Variants in HMGCLL1 observed in about 807,000 individuals in gnomAD.
HMGCLL1 encodes the protein 3-hydroxymethyl-3-methylglutaryl-CoA lyase, cytoplasmic.
Under a neutral mutation model 39.1 loss-of-function variants are expected in HMGCLL1, and 36 were observed. The observed-to-expected ratio is 0.92, with a 90% confidence interval of 0.71 to 1.22. The LOEUF is 1.22. Among genes scored for constraint, HMGCLL1 ranks in the 50% most tolerant of loss-of-function variants. The pLI is 0.00. For synonymous variants in HMGCLL1, 149 were observed against 144.0 expected, an observed-to-expected ratio of 1.03 and a Z score of -0.25; for missense variants, 451 against 416.5, an observed-to-expected ratio of 1.08 and a Z score of -0.72.
intron 2 of HMGCLL1, 91 bp from the exon 3 acceptor site, chr6:55,541,927 A>T: frequency 1.1e-6 from 1 of 937,278 alleles, no homozygotes; most frequent in African/African-American, 1.7e-5. Flanking sequence ...AGTGAGTATT[A>T]TTTGTAATTT....
At chr6:55,595,649 A>C in the HMGCLL1 span, among the ~76,000 whole-genome samples, 2 of 152,230 alleles carry the variant, frequency 1.3e-5, no homozygotes, top group Middle Eastern at 3.2e-3. Context: ...TTTTTGATGG[A>C]GCACAGCAGT....
chr6:55,469,467 A>ATG (rs145549028), intron 7 of HMGCLL1, among the ~76,000 whole-genome samples: 147 of 146,486 alleles, frequency 1.0e-3, no homozygotes, highest in South Asian at 6.4e-3. Flanking sequence ...ATGTGTATAT[A>ATG]TGTGTGTGTG....
At chr6:55,571,758 G>A (rs979401783) in intron 1 of HMGCLL1, among the ~76,000 whole-genome samples, 13 of 152,138 alleles carry the variant, frequency 8.5e-5, no homozygotes, top group East Asian at 5.8e-4. Context: ...GCAGTAAGTC[G>A]AGATCGCGCC....
chr6:55,470,908 A>G (rs990524236), intron 7 of HMGCLL1, among the ~76,000 whole-genome samples: 1 of 151,746 alleles, frequency 6.6e-6, no homozygotes, highest in Non-Finnish European at 1.5e-5. Context: ...TGAGAACTGT[A>G]TCAGGACAAT....
At chr6:55,605,583 C>T in the HMGCLL1 span, among the ~76,000 whole-genome samples, 326 of 152,192 alleles carry the variant, frequency 2.1e-3, 1 homozygote, top group African/African-American at 7.4e-3. Flanking sequence ...TTTGCTTGAG[C>T]TTAGGATTAT....
chr6:55,455,910 T>C (rs1764302624), intron 7 of HMGCLL1, among the ~76,000 whole-genome samples: 1 of 152,186 alleles, frequency 6.6e-6, no homozygotes, highest in Admixed American at 6.5e-5. Flanking sequence ...TTTGCTCAAT[T>C]TTATCTAATT....
intron 1 of HMGCLL1, among the ~76,000 whole-genome samples, chr6:55,545,762 A>G (rs967432613): frequency 6.6e-6 from 1 of 152,138 alleles, no homozygotes; most frequent in Admixed American, 6.6e-5. Context: ...GGATTTGCCT[A>G]CTAGGCATTG....
At chr6:55,463,040 T>G (rs1764646776) in intron 7 of HMGCLL1, among the ~76,000 whole-genome samples, 1 of 150,622 alleles carries the variant, frequency 6.6e-6, no homozygotes, top group Non-Finnish European at 1.5e-5. Flanking sequence ...TTTTTTTTTT[T>G]TTTTTTCTGA....
chr6:55,599,210 T>G, the HMGCLL1 span, among the ~76,000 whole-genome samples: 2 of 152,058 alleles, frequency 1.3e-5, no homozygotes, highest in East Asian at 3.9e-4. Flanking sequence ...TGTGTATACC[T>G]ATGTAACAAA....
the HMGCLL1 span, among the ~76,000 whole-genome samples, chr6:55,648,278 T>C: frequency 6.6e-6 from 1 of 151,420 alleles, no homozygotes; most frequent in South Asian, 2.1e-4. Context: ...CATTTGGGTA[T>C]ATACCCAGTA....
intron 7 of HMGCLL1, among the ~76,000 whole-genome samples, chr6:55,478,086 T>TG (rs1371832358): frequency 5.1e-5 from 5 of 98,292 alleles, no homozygotes; most frequent in Middle Eastern, 4.8e-3. Context: ...AGTGAGGTTC[T>TG]GTTTTTTTTT....
At chr6:55,666,441 A>G in the HMGCLL1 span, among the ~76,000 whole-genome samples, 1 of 151,686 alleles carries the variant, frequency 6.6e-6, no homozygotes, top group African/African-American at 2.4e-5. Flanking sequence ...CCTTAAGCAA[A>G]AGCAGTTATA....
chr6:55,594,259 G>A, the HMGCLL1 span, among the ~76,000 whole-genome samples: 1 of 152,172 alleles, frequency 6.6e-6, no homozygotes. Context: ...TAGTTCAAAT[G>A]TCTGGGTTTC....
At position 55,515,649 on chromosome 6, in the gene HMGCLL1, T is replaced by C. The variant is rs75160402; in HGVS notation, c.393+859A>G. ...CTCTGAGTTAACATGAGAGTGTCCTTTCAGTATCTTCTTCAAGGTAAGATA... is the reference window on the plus strand; with the variant it reads ...CTCTGAGTTAACATGAGAGTGTCCTCTCAGTATCTTCTTCAAGGTAAGATA... On this transcript the variant is annotated intron_variant, in intron 4 of 8. Transcript: ENST00000274901. Among the ~76,000 whole-genome samples the C allele has an allele frequency of 3.6e-3, 546 of 152,208 alleles. 5 individuals are homozygous for C. Among genetic ancestry groups the C allele is most frequent in the African/African-American group, 0.013 (522 of 41,520 alleles).
the HMGCLL1 span, among the ~76,000 whole-genome samples, chr6:55,652,339 T>C: frequency 3.4e-5 from 5 of 147,584 alleles, no homozygotes; most frequent in South Asian, 8.4e-4. Context: ...ATATCAACAC[T>C]CTTTAAAAAT....
chr6:55,596,193 G>A, the HMGCLL1 span, among the ~76,000 whole-genome samples: 313 of 152,186 alleles, frequency 2.1e-3, 4 homozygotes, highest in East Asian at 0.043. Context: ...CGGATGTGGC[G>A]GTGTGCACCT....
intron 7 of HMGCLL1, among the ~76,000 whole-genome samples, chr6:55,484,396 G>A (rs1437105211): frequency 6.6e-6 from 1 of 151,762 alleles, no homozygotes; most frequent in East Asian, 1.9e-4. Context: ...TGTACAGTCT[G>A]CTGGATTTAA....
At chr6:55,563,104 G>T (rs964850032) in intron 1 of HMGCLL1, among the ~76,000 whole-genome samples, 1 of 151,944 alleles carries the variant, frequency 6.6e-6, no homozygotes, top group Non-Finnish European at 1.5e-5. Flanking sequence ...TGCACACACG[G>T]TGATATATAA....
At chr6:55,547,296 T>C (rs1770033612) in intron 1 of HMGCLL1, among the ~76,000 whole-genome samples, 1 of 152,016 alleles carries the variant, frequency 6.6e-6, no homozygotes, top group Non-Finnish European at 1.5e-5. Flanking sequence ...TTCTCTGAAA[T>C]ATTTAGAGTG....
Sources: gnomAD v4.1 joint callset for allele counts (sites outside exome capture counted in the v4.1 genomes callset) on GRCh38, gnomAD v4.1.1 for gene constraint, MANE v1.5 for transcripts, NCBI Gene and HGNC (gene_info 2026-07-23, HGNC 2026-07-21) for gene names.